The following FER variants were observed in gnomAD, a reference collection of about 807,000 sequenced individuals.
The protein encoded by FER is FER tyrosine kinase, also known as tyrosine-protein kinase Fer.
FER carries 63 observed loss-of-function variants against 111.0 expected under a neutral mutation model. That is an observed-to-expected ratio of 0.57 (90% confidence interval 0.46 to 0.70). The LOEUF (loss-of-function observed/expected upper bound fraction) is 0.70. FER is among the 30% of genes least tolerant of loss of function. The pLI, the probability that FER is intolerant of heterozygous loss-of-function variation, is 0.00. For synonymous variants in FER, 327 were observed against 313.9 expected (o/e 1.04, Z -0.44); for missense variants, 914 against 954.0 (o/e 0.96, Z 0.55).
chr5:108,964,599 C>G (rs1000015184), intron 13 of FER, among the ~76,000 whole-genome samples: 1 of 152,006 alleles, frequency 6.6e-6, no homozygotes, highest in Admixed American at 6.6e-5. Flanking sequence ...GGGAGATGAG[C>G]GCAGATTTGG....
intron 16 of FER, among the ~76,000 whole-genome samples, chr5:109,072,055 C>T (rs1259659063): frequency 6.6e-6 from 1 of 151,056 alleles, no homozygotes; most frequent in Non-Finnish European, 1.5e-5. Context: ...TTTAGGTTCA[C>T]ATTTTTCTCA....
intron 17 of FER, among the ~76,000 whole-genome samples, chr5:109,170,940 G>A (rs1255004585): frequency 6.6e-6 from 1 of 152,052 alleles, no homozygotes; most frequent in African/African-American, 2.4e-5. Context: ...GAGTTGAAAG[G>A]GTCATATGCT....
chr5:109,059,227 A>C (rs1581845391), intron 16 of FER, among the ~76,000 whole-genome samples: 1 of 152,292 alleles, frequency 6.6e-6, no homozygotes, highest in Non-Finnish European at 1.5e-5. Context: ...ATGAATTTCC[A>C]CTACAAAATC....
intron 1 of FER, among the ~76,000 whole-genome samples, chr5:108,758,339 A>T (rs551356432): frequency 6.6e-6 from 1 of 152,236 alleles, no homozygotes; most frequent in African/African-American, 2.4e-5. Flanking sequence ...TAATAGCTGT[A>T]TGAATTTAGA....
At chr5:109,155,738 A>T (rs547386508) in intron 17 of FER, among the ~76,000 whole-genome samples, 1 of 152,128 alleles carries the variant, frequency 6.6e-6, no homozygotes, top group South Asian at 2.1e-4. Flanking sequence ...ATGGATGATA[A>T]AATAGATTGT....
At chr5:108,791,009 G>T (rs1755304531) in intron 2 of FER, among the ~76,000 whole-genome samples, 1 of 152,114 alleles carries the variant, frequency 6.6e-6, no homozygotes, top group African/African-American at 2.4e-5. Context: ...ATATTCCATT[G>T]TATGGATGTT....
intron 10 of FER, among the ~76,000 whole-genome samples, chr5:108,904,895 T>C (rs1404854376): frequency 1.3e-5 from 2 of 152,162 alleles, no homozygotes; most frequent in East Asian, 3.8e-4. Context: ...TGAACTTCAG[T>C]GTCTTAACAA....
At chr5:109,055,809 T>C (rs1258311375) in intron 16 of FER, among the ~76,000 whole-genome samples, 12 of 73,694 alleles carry the variant, frequency 1.6e-4, no homozygotes, top group African/African-American at 6.4e-4. Flanking sequence ...AAAAAAAAAA[T>C]CACATACAAC....
At chr5:108,844,061 T>TGTGTGTGAACACATATATGCGTGTGAAC (rs1561500033) in intron 5 of FER, among the ~76,000 whole-genome samples, 4 of 89,984 alleles carry the variant, frequency 4.4e-5, no homozygotes, top group African/African-American at 9.9e-5. Flanking sequence ...TGTGTGAACA[T>TGTGTGTGAACACATATATGCGTGTGAAC]ATATATGTGT....
At position 109,111,701 on chromosome 5, in the gene FER, G is replaced by C. The variant is rs186132100; in HGVS notation, c.2048+11182G>C. Among the ~76,000 whole-genome samples the C allele has an allele frequency of 1.0e-3, 157 of 152,186 alleles. 1 individual carries two copies. The highest frequency in any genetic ancestry group is 3.5e-3 in the African/African-American group (146 of 41,532). Reference sequence around the variant, plus strand: ...ACAATCATGGCAGAAGGCGAAGAGGGAGTAAGCACTTTCTTCACATAGCAG... The same window carrying C: ...ACAATCATGGCAGAAGGCGAAGAGGCAGTAAGCACTTTCTTCACATAGCAG... On this transcript the variant is annotated intron_variant, in intron 17 of 19. Coordinates refer to ENST00000281092, the MANE Select transcript of FER (RefSeq NM_005246.4).
intron 9 of FER, among the ~76,000 whole-genome samples, chr5:108,885,376 T>C (rs1273976139): frequency 1.3e-5 from 2 of 151,962 alleles, no homozygotes; most frequent in African/African-American, 4.8e-5. Flanking sequence ...GGGCTACTTT[T>C]CTCATTTATA....
intron 13 of FER, among the ~76,000 whole-genome samples, chr5:108,995,864 C>A (rs1763916573): frequency 6.6e-6 from 1 of 152,178 alleles, no homozygotes; most frequent in South Asian, 2.1e-4. Context: ...AATGGCTGAA[C>A]TAATTTACAC....
intron 8 of FER, among the ~76,000 whole-genome samples, chr5:108,879,621 G>GT (rs146018612): frequency 0.23 from 33,468 of 143,094 alleles, 4,177 homozygotes; most frequent in African/African-American, 0.31. Flanking sequence ...CACATTACAG[G>GT]TTTTTTTTTA....
intron 10 of FER, among the ~76,000 whole-genome samples, chr5:108,928,748 CATATAT>C (rs145962343): frequency 0.027 from 4,155 of 151,838 alleles, 173 homozygotes; most frequent in African/African-American, 0.095. Flanking sequence ...TGTACATATA[CATATAT>C]ATAAAGTCTG....
chr5:108,963,985 C>T (rs1432599690), intron 13 of FER, among the ~76,000 whole-genome samples: 1 of 152,056 alleles, frequency 6.6e-6, no homozygotes. Flanking sequence ...GATGTCTTAC[C>T]AATTCATCAT....
In FER at chr5:108,807,760, A is replaced by G. The variant is rs145104788; in HGVS notation, c.207+9371A>G. 8.1e-4 allele frequency among the ~76,000 whole-genome samples: 124 copies of G among 152,240 alleles called. No homozygotes were observed. The East Asian group carries it at 0.011, about 13-fold the overall frequency. On this transcript the variant is annotated intron_variant, in intron 3 of 19. Coordinates refer to ENST00000281092, the MANE Select transcript of FER (RefSeq NM_005246.4). ...TTTTTGAGGTGGTGTTTAGTGCTAT[A>G]TACTTTTCTCTGAACACTGCTCTTG...
At chr5:109,074,272 T>TCA (rs1776078009) in intron 16 of FER, among the ~76,000 whole-genome samples, 1 of 152,184 alleles carries the variant, frequency 6.6e-6, no homozygotes, top group Admixed American at 6.5e-5. Flanking sequence ...TTCCACACTT[T>TCA]TCAGTTGCTA....
intron 11 of FER, among the ~76,000 whole-genome samples, chr5:108,947,974 G>A (rs745345002): frequency 5.9e-5 from 9 of 151,640 alleles, no homozygotes; most frequent in African/African-American, 1.7e-4. Context: ...CTCCCTCCTC[G>A]GCCCCGCTAA....
chr5:108,905,724 A>G (rs1011233240), intron 10 of FER, among the ~76,000 whole-genome samples: 2 of 152,212 alleles, frequency 1.3e-5, no homozygotes, highest in Non-Finnish European at 2.9e-5. Context: ...ACATTAAAAC[A>G]TTTTTTAAAC....
Sources: gnomAD v4.1 joint callset for allele counts (sites outside exome capture counted in the v4.1 genomes callset) on GRCh38, gnomAD v4.1.1 for gene constraint, MANE v1.5 for transcripts, NCBI Gene and HGNC (gene_info 2026-07-23, HGNC 2026-07-21) for gene names.